RAPGEF6: variants seen among roughly 807,000 people sequenced by gnomAD.
The protein encoded by RAPGEF6 is Rap guanine nucleotide exchange factor 6.
Under a neutral mutation model 171.4 loss-of-function variants are expected in RAPGEF6, and 56 were observed. The observed-to-expected ratio is 0.33, with a 90% CI of 0.26 to 0.41. The LOEUF (loss-of-function observed/expected upper bound fraction) is 0.41, where lower values mean the gene tolerates loss of function less well. Ranked by LOEUF, RAPGEF6 falls within the 10% of genes least tolerant of loss-of-function variation. The probability of loss-of-function intolerance (pLI) is 1.00; values close to 1 mark genes in which losing one functional copy is unlikely to be tolerated. For synonymous variants in RAPGEF6, 692 were observed against 650.1 expected (o/e 1.06, Z -0.98); for missense variants, 1,674 against 1,921.4 (o/e 0.87, Z 2.41).
intron 16 of RAPGEF6, among the ~76,000 whole-genome samples, chr5:131,476,992 T>A (rs1755145448): frequency 6.6e-6 from 1 of 152,220 alleles, no homozygotes; most frequent in African/African-American, 2.4e-5. Flanking sequence ...AAACTGTATA[T>A]CCTGGATCAA....
At chr5:131,464,554 T>C (rs1474758427) in intron 17 of RAPGEF6, among the ~76,000 whole-genome samples, 2 of 152,110 alleles carry the variant, frequency 1.3e-5, no homozygotes, top group African/African-American at 2.4e-5. Context: ...TAATATCTTA[T>C]AAAACATTTT....
chr5:131,455,671 C>T (rs1753440614), intron 20 of RAPGEF6, 130 bp downstream of exon 20: 3 of 722,288 alleles, frequency 4.2e-6, no homozygotes, highest in African/African-American at 1.8e-5. Context: ...TAATTCAACA[C>T]TAGAAAAATG....
chr5:131,518,208 C>T (rs1177537107), intron 7 of RAPGEF6, among the ~76,000 whole-genome samples: 1 of 151,480 alleles, frequency 6.6e-6, no homozygotes, highest in Non-Finnish European at 1.5e-5. Flanking sequence ...CTACTTATCT[C>T]ATAGATATGA....
In RAPGEF6 at chr5:131,592,471, TTAAATAAATAAG is replaced by T. The variant is rs1477415013; in HGVS notation, c.198-17_198-6del. On this transcript the variant is annotated splice_polypyrimidine_tract_variant and splice_region_variant and intron_variant, in intron 3 of 27. Coordinates refer to ENST00000509018, the MANE Select transcript of RAPGEF6 (RefSeq NM_016340.6). Reference sequence around the variant, plus strand: ...CATCTGGCAATCGTTTCTGAACTGTTTAAATAAATAAGTAAATAAATGAGCAAAACAACACAC... The same window carrying T: ...CATCTGGCAATCGTTTCTGAACTGTTTAAATAAATGAGCAAAACAACACAC... The T allele has an allele frequency of 1.2e-6, 2 of 1,611,806 alleles. No homozygotes were observed. Among genetic ancestry groups the T allele is most frequent in the African/African-American group, 2.7e-5 (2 of 74,774 alleles).
chr5:131,449,894 G>A, intron 21 of RAPGEF6: 1 of 1,035,162 alleles, frequency 9.7e-7, no homozygotes, highest in Non-Finnish European at 1.4e-6. Context: ...GAAGGCATTT[G>A]TCAGGAATGT....
At chr5:131,490,271 A>C (rs150020697) in intron 14 of RAPGEF6, among the ~76,000 whole-genome samples, 31 of 152,320 alleles carry the variant, frequency 2.0e-4, no homozygotes, top group African/African-American at 7.5e-4. Flanking sequence ...AAAAAGATAT[A>C]ATGAGCAAAA....
At chr5:131,553,009 C>T (rs981080297) in intron 5 of RAPGEF6, among the ~76,000 whole-genome samples, 1 of 151,936 alleles carries the variant, frequency 6.6e-6, no homozygotes, top group African/African-American at 2.4e-5. Flanking sequence ...TGAAAATGAG[C>T]CAGAGATGAT....
chr5:131,552,298 AAT>A (rs1760971006), intron 5 of RAPGEF6, among the ~76,000 whole-genome samples: 1 of 151,862 alleles, frequency 6.6e-6, no homozygotes, highest in Non-Finnish European at 1.5e-5. Flanking sequence ...ACTGAACAAA[AAT>A]TGCCTTCCCC....
At chr5:131,464,486 A>G (rs1310080894) in intron 17 of RAPGEF6, 1 of 508,300 alleles carries the variant, frequency 2.0e-6, no homozygotes, top group East Asian at 3.6e-5. Context: ...AGAAAAACCC[A>G]AAAACAAAAC....
chr5:131,455,808 T>C lies in RAPGEF6; in HGVS notation c.3069A>G (p.Leu1023=). Residue 1023 remains leucine (L), a synonymous_variant, in exon 20 of 28, where the codon CTA becomes CTG. Transcript: ENST00000509018. The part of the protein sequence containing the change: ...FPVVKKDMTF[L]HEGNDSKVDG... Reference sequence around the variant, plus strand: ...TAAATAATGTTTTCATACCTTCATGTAGAAATGTCATATCTTTCTTGACAA... The same window carrying C: ...TAAATAATGTTTTCATACCTTCATGCAGAAATGTCATATCTTTCTTGACAA... 6.2e-7 allele frequency: 1 copy of C among 1,610,098 alleles called. No homozygotes were observed. Among genetic ancestry groups the C allele is most frequent in the Non-Finnish European group, 8.5e-7 (1 of 1,176,892 alleles).
At chr5:131,569,955 T>C (rs1005919666) in intron 4 of RAPGEF6, among the ~76,000 whole-genome samples, 11 of 148,384 alleles carry the variant, frequency 7.4e-5, no homozygotes, top group African/African-American at 1.0e-4. Context: ...GGCAGGAGAA[T>C]TGCTTGACCC....
intron 3 of RAPGEF6, among the ~76,000 whole-genome samples, chr5:131,594,828 T>C (rs1361491612): frequency 6.6e-6 from 1 of 152,234 alleles, no homozygotes; most frequent in Non-Finnish European, 1.5e-5. Flanking sequence ...ATGGGACCTG[T>C]AGCCCCTTTA....
At chr5:131,586,576 G>A (rs988827806) in intron 4 of RAPGEF6, among the ~76,000 whole-genome samples, 1 of 151,956 alleles carries the variant, frequency 6.6e-6, no homozygotes, top group Non-Finnish European at 1.5e-5. Context: ...GGTTGCAGTG[G>A]GCCAAAATTG....
Position 131,521,500 on chromosome 5 carries a change from TCTTGG to T in RAPGEF6, c.512_516del (p.Thr171AsnfsTer17). The T allele has an allele frequency of 1.2e-6, 2 of 1,610,780 alleles. No homozygotes were observed. The highest frequency in any genetic ancestry group is 1.7e-6 in the Non-Finnish European group (2 of 1,178,378). Reference sequence around the variant, plus strand: ...GGATGAGGGTTTTCTGTGAGATGCATCTTGGTAAGATCAGCTGGAAGCTGAAAAAA... The same window carrying T: ...GGATGAGGGTTTTCTGTGAGATGCATTAAGATCAGCTGGAAGCTGAAAAAA... On this transcript the variant is annotated frameshift_variant, in exon 7 of 28. Coordinates refer to ENST00000509018, the MANE Select transcript of RAPGEF6 (RefSeq NM_016340.6). LOFTEE classifies it high-confidence loss of function.
At chr5:131,489,680 TTAA>T in intron 14 of RAPGEF6, 26 bp from the exon 15 acceptor site, 1 of 1,300,236 alleles carries the variant, frequency 7.7e-7, no homozygotes, top group South Asian at 1.3e-5. Flanking sequence ...AAAATACAAA[TTAA>T]TACAGAACAG....
intron 13 of RAPGEF6, among the ~76,000 whole-genome samples, chr5:131,494,624 T>C (rs558687318): frequency 1.6e-4 from 25 of 152,166 alleles, no homozygotes; most frequent in African/African-American, 6.0e-4. Flanking sequence ...CCTGAATATA[T>C]GGGTGAGGAA....
At chr5:131,506,012 T>C (rs909721050) in intron 9 of RAPGEF6, among the ~76,000 whole-genome samples, 3 of 152,198 alleles carry the variant, frequency 2.0e-5, no homozygotes, top group African/African-American at 7.2e-5. Flanking sequence ...AGATAGCTAA[T>C]GATTATTTCA....
At chr5:131,617,965 C>T (rs1469028868) in intron 1 of RAPGEF6, among the ~76,000 whole-genome samples, 1 of 152,128 alleles carries the variant, frequency 6.6e-6, no homozygotes, top group Non-Finnish European at 1.5e-5. Flanking sequence ...AGGTATAAAA[C>T]ATTTACCACA....
chr5:131,442,875 C>A (rs529978883), intron 22 of RAPGEF6, among the ~76,000 whole-genome samples: 1 of 152,088 alleles, frequency 6.6e-6, no homozygotes. Context: ...GCAACCTCCA[C>A]CTCCCAGGTT....
Sources: allele counts gnomAD v4.1 joint callset (sites outside exome capture counted in the v4.1 genomes callset), GRCh38; gene constraint gnomAD v4.1.1; transcripts MANE v1.5; gene names NCBI Gene and HGNC (gene_info 2026-07-23, HGNC 2026-07-21).